Variants in ZNF664 observed in about 807,000 individuals in gnomAD.
ZNF664 encodes zinc finger Organ of Corti 1.
ZNF664 carries 10 observed loss-of-function variants against 18.2 expected under a neutral mutation model. The ratio of observed to expected loss-of-function variants is 0.55; its 90% CI spans 0.34 to 0.93. The LOEUF (loss-of-function observed/expected upper bound fraction) is 0.93. Among genes scored for constraint, ZNF664 ranks in the 40% least tolerant of loss-of-function variants. The pLI is 0.02. For synonymous variants in ZNF664, 119 were observed against 104.2 expected, an observed-to-expected ratio of 1.14 and a Z score of -0.86; for missense variants, 193 against 319.0, an observed-to-expected ratio of 0.61 and a Z score of 3.01.
At chr12:124,000,508 C>T (rs372525634) in intron 3 of ZNF664, among the ~76,000 whole-genome samples, 4 of 152,044 alleles carry the variant, frequency 2.6e-5, no homozygotes, top group African/African-American at 9.7e-5. Context: ...TTATTTCTTC[C>T]CTGAACTTTT....
intron 3 of ZNF664, among the ~76,000 whole-genome samples, chr12:123,997,190 A>G (rs564132680): frequency 5.3e-5 from 8 of 152,310 alleles, no homozygotes; most frequent in Non-Finnish European, 1.2e-4. Context: ...GCTTGGGTGA[A>G]GTGTGAAATA....
At chr12:124,002,123 C>G in intron 3 of ZNF664, among the ~76,000 whole-genome samples, 1 of 152,204 alleles carries the variant, frequency 6.6e-6, no homozygotes, top group South Asian at 2.1e-4. Context: ...GCCCGGGAGC[C>G]GCTTTCTAGG....
intron 3 of ZNF664, 142 bp downstream of exon 3, chr12:123,988,280 C>T (rs529317482): frequency 6.2e-6 from 4 of 648,624 alleles, no homozygotes; most frequent in East Asian, 3.4e-5. Flanking sequence ...CACGCTCTTC[C>T]TGACCTCTCG....
At position 124,013,020 on chromosome 12, in the gene ZNF664, T is replaced by G; in HGVS notation, c.*90T>G. On this transcript the variant is annotated 3_prime_UTR_variant, in exon 5 of 5. Coordinates refer to ENST00000337815, the MANE Select transcript of ZNF664 (RefSeq NM_152437.3). The stretch of plus-strand genomic sequence containing the variant: ...ATACCTACATTGACCCAAGAAATAT[T>G]TACGCAATCCCTAGCAGAACATTGT... 7.0e-7 allele frequency: 1 copy of G among 1,430,690 alleles called. No homozygotes were observed. Among genetic ancestry groups the G allele is most frequent in the Non-Finnish European group, 9.4e-7 (1 of 1,067,244 alleles). The allele number at this position is 1,430,690 out of a possible 1,614,324, so 88.6% of individuals were successfully genotyped here.
chr12:123,994,883 G>A (rs970447121), intron 3 of ZNF664, among the ~76,000 whole-genome samples: 3 of 152,152 alleles, frequency 2.0e-5, no homozygotes, highest in African/African-American at 4.8e-5. Flanking sequence ...ATTAATTAGC[G>A]GGAATTGTAC....
chr12:123,980,623 T>C (rs1343521610), intron 2 of ZNF664, among the ~76,000 whole-genome samples: 2 of 152,266 alleles, frequency 1.3e-5, no homozygotes, highest in South Asian at 2.1e-4. Flanking sequence ...GAAGAAAATA[T>C]ATTAAAATGC....
rs1186070689 is a variant in ZNF664, at chr12:124,012,792, C to T, written c.648C>T (p.Ile216=). 2 of 1,611,362 alleles carry T rather than the reference C, an allele frequency of 1.2e-6. No individual in the cohort carries two copies. Among genetic ancestry groups the T allele is most frequent in the South Asian group, 2.2e-5 (2 of 90,920 alleles). Residue 216 remains isoleucine, a synonymous_variant, in exon 5 of 5, where the codon ATC becomes ATT. Transcript: ENST00000337815. ...KAFSQSSSLC[I]HQRVHTGEKP... ...TCAGTCAGAGTTCGAGCCTGTGCAT[C>T]CACCAGAGAGTCCACACAGGAGAGA...
In ZNF664 at chr12:123,991,795, C is replaced by A. The variant is rs528771421; in HGVS notation, c.-661+3657C>A. ...CTACAGAATGGATGCCTGTGTCATC[C>A]TTGATCACCCTGATAACACATGCAC... is the stretch of plus-strand genomic sequence containing the variant. On this transcript the variant is annotated intron_variant, in intron 3 of 4. Transcript: ENST00000337815. 2.0e-5 allele frequency among the ~76,000 whole-genome samples: 3 copies of A among 152,298 alleles called. No individual in the cohort carries two copies. In the East Asian group the frequency reaches 5.8e-4, roughly 29 times the overall value.
At position 124,014,695 on chromosome 12, in the gene ZNF664, A is replaced by C. The variant is rs957732658; in HGVS notation, c.*1765A>C. 3 of 166,962 alleles carry C rather than the reference A, an allele frequency of 1.8e-5. No individual in the cohort carries two copies. Among genetic ancestry groups the C allele is most frequent in the African/African-American group, 7.2e-5 (3 of 41,382 alleles). The allele number at this position is 166,962 out of a possible 1,614,324, so 10.3% of individuals were successfully genotyped here. A position where few individuals can be genotyped will look rare whatever the true frequency, so the allele number is the denominator to read the frequency against. On this transcript the variant is annotated 3_prime_UTR_variant, in exon 5 of 5. Coordinates refer to ENST00000337815, the MANE Select transcript of ZNF664 (RefSeq NM_152437.3). Reference sequence around the variant, plus strand: ...CTCAAGATAGTCACGAAAATACTGAAAGTTTGATTTTTCTTTCCATATTTG... The same window carrying C: ...CTCAAGATAGTCACGAAAATACTGACAGTTTGATTTTTCTTTCCATATTTG...
intron 3 of ZNF664, chr12:123,989,280 C>CT (rs1956861563): frequency 6.6e-6 from 1 of 152,388 alleles, no homozygotes; most frequent in Non-Finnish European, 1.5e-5. Flanking sequence ...CCTTTTCTCT[C>CT]TTTTCCCATG....
At chr12:123,996,160 A>G (rs1201223030) in intron 3 of ZNF664, among the ~76,000 whole-genome samples, 1 of 152,238 alleles carries the variant, frequency 6.6e-6, no homozygotes, top group Non-Finnish European at 1.5e-5. Flanking sequence ...CTTAAGTACT[A>G]TAATAAATAT....
intron 2 of ZNF664, among the ~76,000 whole-genome samples, chr12:123,977,563 A>G (rs1956710370): frequency 6.6e-6 from 1 of 151,664 alleles, no homozygotes; most frequent in South Asian, 2.1e-4. Flanking sequence ...TCAAGTGTGC[A>G]CTCTGTGGAG....
intron 2 of ZNF664, among the ~76,000 whole-genome samples, chr12:123,978,408 A>G (rs1956721560): frequency 6.6e-6 from 1 of 152,244 alleles, no homozygotes; most frequent in African/African-American, 2.4e-5. Flanking sequence ...TAGAAAAGTT[A>G]GATTCTGTTC....
At chr12:123,985,845 T>C (rs1956818317) in intron 2 of ZNF664, among the ~76,000 whole-genome samples, 1 of 152,248 alleles carries the variant, frequency 6.6e-6, no homozygotes, top group African/African-American at 2.4e-5. Flanking sequence ...TATCAAACAT[T>C]AAATCACCCA....
At chr12:123,980,690 T>C (rs1347248746) in intron 2 of ZNF664, among the ~76,000 whole-genome samples, 1 of 152,114 alleles carries the variant, frequency 6.6e-6, no homozygotes, top group East Asian at 1.9e-4. Flanking sequence ...CCTGATATGA[T>C]GAAAACGCCC....
intron 3 of ZNF664, among the ~76,000 whole-genome samples, chr12:123,989,779 C>A (rs1231269012): frequency 1.3e-5 from 2 of 152,234 alleles, no homozygotes; most frequent in African/African-American, 4.8e-5. Context: ...CCTACAAGAT[C>A]AAAAGCCTGA....
intron 2 of ZNF664, among the ~76,000 whole-genome samples, chr12:123,982,466 G>A (rs1397211381): frequency 1.3e-5 from 2 of 152,034 alleles, no homozygotes; most frequent in African/African-American, 4.8e-5. Context: ...CTCTTCTCTC[G>A]CTTGGCAGTA....
chr12:123,991,303 A>C (rs957542587), intron 3 of ZNF664, among the ~76,000 whole-genome samples: 3 of 152,190 alleles, frequency 2.0e-5, no homozygotes, highest in African/African-American at 7.2e-5. Context: ...GGAAAATCTC[A>C]CTAAAGTAAT....
Position 123,973,888 on chromosome 12 carries a change from C to T in ZNF664, c.-889C>T. The T allele has an allele frequency of 6.5e-6, 8 of 1,231,816 alleles. No individual in the cohort carries two copies. The highest frequency in any genetic ancestry group is 1.5e-5 in the African/African-American group (1 of 64,546). The allele number at this position is 1,231,816 out of a possible 1,614,324, so 76.3% of individuals were successfully genotyped here. Reference sequence around the variant, plus strand: ...ATGGGGTGCTGTGTGTTTTTCAGGGCGCCCTGCGTCCGGCAGAGGAGGCGA... The same window carrying T: ...ATGGGGTGCTGTGTGTTTTTCAGGGTGCCCTGCGTCCGGCAGAGGAGGCGA... On this transcript the variant is annotated splice_region_variant and 5_prime_UTR_variant, in exon 2 of 5. Coordinates refer to ENST00000337815, the MANE Select transcript of ZNF664 (RefSeq NM_152437.3).
Sources: allele counts gnomAD v4.1 joint callset (sites outside exome capture counted in the v4.1 genomes callset), GRCh38; gene constraint gnomAD v4.1.1; transcripts MANE v1.5; gene names NCBI Gene and HGNC (gene_info 2026-07-23, HGNC 2026-07-21).